The following RPRD2 variants were observed in gnomAD, a reference collection of about 807,000 sequenced individuals.
RPRD2 encodes regulation of nuclear pre-mRNA domain-containing protein 2.
Under a neutral mutation model 104.4 loss-of-function variants are expected in RPRD2, and 12 were observed. The observed-to-expected ratio is 0.11, with a 90% CI of 0.07 to 0.19. RPRD2 has a LOEUF of 0.19. Among genes scored for constraint, RPRD2 ranks in the 10% least tolerant of loss-of-function variants. The pLI, the probability that RPRD2 is intolerant of heterozygous loss-of-function variation, is 1.00. For missense variants in RPRD2, 1,543 were observed against 1,790.1 expected, an observed-to-expected ratio of 0.86 and a Z score of 2.49; for synonymous variants, 714 against 684.9, an observed-to-expected ratio of 1.04 and a Z score of -0.66.
intron 7 of RPRD2, among the ~76,000 whole-genome samples, chr1:150,452,408 G>A (rs1553896820): frequency 1.3e-5 from 2 of 152,104 alleles, no homozygotes; most frequent in African/African-American, 4.8e-5. Flanking sequence ...CACTCATTTT[G>A]TAGTACTTAA....
intron 1 of RPRD2, among the ~76,000 whole-genome samples, chr1:150,386,237 G>A (rs1484004845): frequency 2.6e-5 from 4 of 151,996 alleles, no homozygotes; most frequent in African/African-American, 9.7e-5. Flanking sequence ...GCCTCCCATC[G>A]TGTTGGGATT....
intron 1 of RPRD2, among the ~76,000 whole-genome samples, chr1:150,401,475 G>A (rs949463392): frequency 1.3e-5 from 2 of 151,892 alleles, no homozygotes; most frequent in South Asian, 2.1e-4. Context: ...GCAACAGAGC[G>A]AGACTCCGTC....
At chr1:150,392,165 G>A (rs782729676) in intron 1 of RPRD2, among the ~76,000 whole-genome samples, 2 of 150,882 alleles carry the variant, frequency 1.3e-5, no homozygotes, top group Admixed American at 6.6e-5. Flanking sequence ...CAGCCTGGGC[G>A]ACAGAGCAAG....
At chr1:150,465,944 C>T (rs1668235437) in intron 10 of RPRD2, among the ~76,000 whole-genome samples, 1 of 143,128 alleles carries the variant, frequency 7.0e-6, no homozygotes, top group African/African-American at 2.7e-5. Flanking sequence ...CTGTAGTGTG[C>T]TGAGATCGCA....
At chr1:150,365,270 G>C (rs1553876998) in intron 1 of RPRD2, among the ~76,000 whole-genome samples, 1 of 152,306 alleles carries the variant, frequency 6.6e-6, no homozygotes, top group East Asian at 1.9e-4. Context: ...TTTCTTACAG[G>C]CCTTGACGTG....
intron 1 of RPRD2, among the ~76,000 whole-genome samples, chr1:150,376,780 G>A (rs900557855): frequency 1.5e-4 from 23 of 151,760 alleles, no homozygotes; most frequent in Non-Finnish European, 2.8e-4. Context: ...GATTACAGGC[G>A]TGAGCCACCG....
At chr1:150,466,117 G>A (rs376455369) in intron 10 of RPRD2, among the ~76,000 whole-genome samples, 120 of 151,354 alleles carry the variant, frequency 7.9e-4, no homozygotes, top group African/African-American at 2.6e-3. Flanking sequence ...GGTGGCTCAC[G>A]CCTGTAATCC....
chr1:150,390,139 G>C (rs1661955430), intron 1 of RPRD2, among the ~76,000 whole-genome samples: 1 of 152,036 alleles, frequency 6.6e-6, no homozygotes, highest in African/African-American at 2.4e-5. Flanking sequence ...AACAACTGTG[G>C]GTGAGATTTA....
intron 1 of RPRD2, among the ~76,000 whole-genome samples, chr1:150,378,656 T>C (rs1408426073): frequency 6.6e-6 from 1 of 152,162 alleles, no homozygotes; most frequent in Non-Finnish European, 1.5e-5. Context: ...AATTTTTGTT[T>C]TACAAAATAT....
chr1:150,464,549 TTCTCCAGGAACGCCCACC>T lies in RPRD2; in HGVS notation c.1435_1452del (p.Gly481_Pro486del). The T allele has an allele frequency of 6.2e-7, 1 of 1,602,826 alleles. No homozygotes were observed. The highest frequency in any genetic ancestry group is 1.1e-5 in the South Asian group (1 of 89,268). ...CAGGGGTCAGTCCTGCATCAAGACC[TTCTCCAGGAACGCCCACC>T]AGCCCCAGCAACCTCACCAGTGGCC... On this transcript the variant is annotated inframe_deletion, in exon 10 of 11. Coordinates refer to ENST00000369068, the MANE Select transcript of RPRD2 (RefSeq NM_015203.5).
chr1:150,408,005 C>G (rs1487075976), intron 1 of RPRD2, among the ~76,000 whole-genome samples: 1 of 151,948 alleles, frequency 6.6e-6, no homozygotes, highest in Admixed American at 6.6e-5. Flanking sequence ...ACCCCCCGGG[C>G]TCAACCGATC....
chr1:150,460,394 GGTT>G (rs72430251), intron 9 of RPRD2, 77 bp downstream of exon 9: 366,481 of 1,071,450 alleles, frequency 0.34, 63,328 homozygotes, highest in Admixed American at 0.37. Flanking sequence ...TTTTTGGGGG[GGTT>G]GTTGTTGTTG....
rs1157232165 is a variant in RPRD2 at position 150,473,977 on chromosome 1, C to CATA, written c.*644_*645insTAA. ...CCTTCTCCTAAAATCTTTTTTTAAT[C>CATA]AGCCTCAAGGTTAAAATAAGGAGTG... On this transcript the variant is annotated 3_prime_UTR_variant, in exon 11 of 11. Coordinates refer to ENST00000369068, the MANE Select transcript of RPRD2 (RefSeq NM_015203.5). 1 of 152,120 alleles carries CATA rather than the reference C, an allele frequency of 6.6e-6. No individual in the cohort carries two copies. Among genetic ancestry groups the CATA allele is most frequent in the Non-Finnish European group, 1.5e-5 (1 of 68,034 alleles). 9.4% of individuals were successfully genotyped at this position (152,120 alleles called of 1,614,324 possible).
At position 150,376,662 on chromosome 1, in the gene RPRD2, G is replaced by A. The variant is rs997450815; in HGVS notation, c.205+11743G>A. On this transcript the variant is annotated intron_variant, in intron 1 of 10. Transcript: ENST00000369068. ...ACTACAGGCGCCCGCCACCACGCCC[G>A]GCTGATTTTTTGTATTTTTAGTAGA... 8.6e-5 allele frequency among the ~76,000 whole-genome samples: 13 copies of A among 151,636 alleles called. No homozygotes were observed. The South Asian group carries it at 2.1e-3, about 24-fold the overall frequency.
At chr1:150,377,449 T>G (rs1468546679) in intron 1 of RPRD2, among the ~76,000 whole-genome samples, 3 of 151,460 alleles carry the variant, frequency 2.0e-5, no homozygotes, top group Non-Finnish European at 4.4e-5. Context: ...ATACAAAAAA[T>G]TAGCCAGGCG....
chr1:150,400,110 A>G (rs1662859168), intron 1 of RPRD2, among the ~76,000 whole-genome samples: 1 of 152,192 alleles, frequency 6.6e-6, no homozygotes, highest in Admixed American at 6.5e-5. Context: ...GTATTTTACT[A>G]GGTGATAATC....
chr1:150,406,664 G>A (rs1553886570), intron 1 of RPRD2, among the ~76,000 whole-genome samples: 1 of 152,152 alleles, frequency 6.6e-6, no homozygotes, highest in East Asian at 1.9e-4. Flanking sequence ...CTCCAAAAGT[G>A]CTGGTATTAC....
chr1:150,368,864 T>TAC (rs1660052507), intron 1 of RPRD2, among the ~76,000 whole-genome samples: 1 of 152,200 alleles, frequency 6.6e-6, no homozygotes, highest in Non-Finnish European at 1.5e-5. Flanking sequence ...CACCTCAGCC[T>TAC]CCCAAAGTGT....
intron 2 of RPRD2, among the ~76,000 whole-genome samples, chr1:150,430,793 G>T (rs1665507506): frequency 6.6e-6 from 1 of 152,062 alleles, no homozygotes; most frequent in Non-Finnish European, 1.5e-5. Flanking sequence ...GCCGGACCTG[G>T]TGGCGCATGC....
Sources: gnomAD v4.1 joint callset for allele counts (sites outside exome capture counted in the v4.1 genomes callset) on GRCh38, gnomAD v4.1.1 for gene constraint, MANE v1.5 for transcripts, NCBI Gene and HGNC (gene_info 2026-07-23, HGNC 2026-07-21) for gene names.